Variants in CDK19 observed in about 807,000 individuals in gnomAD.
CDK19 encodes the protein cyclin-dependent kinase 19.
CDK19 carries 20 observed loss-of-function variants against 68.3 expected under a neutral mutation model. That is an observed-to-expected ratio of 0.29 (90% CI 0.21 to 0.43). The LOEUF (loss-of-function observed/expected upper bound fraction) is 0.43, where lower values mean the gene tolerates loss of function less well. Ranked by LOEUF, CDK19 falls within the 20% of genes least tolerant of loss-of-function variation. CDK19 has a pLI of 1.00. For missense variants in CDK19, 339 were observed against 623.5 expected (o/e 0.54, Z 4.86); for synonymous variants, 221 against 222.8 (o/e 0.99, Z 0.07).
At chr6:110,641,131 A>G (rs571297375) in intron 4 of CDK19, among the ~76,000 whole-genome samples, 1 of 152,316 alleles carries the variant, frequency 6.6e-6, no homozygotes, top group East Asian at 1.9e-4. Flanking sequence ...TTGGTTCACC[A>G]TATGAGATGA....
intron 2 of CDK19, among the ~76,000 whole-genome samples, chr6:110,694,517 C>T (rs1330062145): frequency 1.3e-5 from 2 of 152,216 alleles, no homozygotes; most frequent in Middle Eastern, 3.4e-3. Flanking sequence ...TATAAAATTA[C>T]TACTAGACCT....
At chr6:110,752,218 T>C (rs538055439) in intron 1 of CDK19, among the ~76,000 whole-genome samples, 6 of 151,828 alleles carry the variant, frequency 4.0e-5, no homozygotes, top group African/African-American at 1.4e-4. Flanking sequence ...GATGAAATTT[T>C]TCAAAAATAA....
intron 4 of CDK19, chr6:110,646,093 A>C: frequency 1.1e-6 from 1 of 872,204 alleles, no homozygotes; most frequent in Non-Finnish European, 1.8e-6. Flanking sequence ...TTTGTGGCTA[A>C]GCAAGGCACC....
At chr6:110,729,507 C>T (rs1417944213) in intron 2 of CDK19, among the ~76,000 whole-genome samples, 2 of 152,110 alleles carry the variant, frequency 1.3e-5, no homozygotes, top group Non-Finnish European at 2.9e-5. Context: ...CAGTTCAGTG[C>T]AACCTCTGCC....
At chr6:110,789,435 C>T (rs144691078) in intron 1 of CDK19, among the ~76,000 whole-genome samples, 30 of 152,238 alleles carry the variant, frequency 2.0e-4, no homozygotes, top group Middle Eastern at 6.8e-3. Flanking sequence ...TGCACCACCA[C>T]GCCCAGCTAA....
At chr6:110,719,612 T>C (rs1186809644) in intron 2 of CDK19, among the ~76,000 whole-genome samples, 1 of 152,154 alleles carries the variant, frequency 6.6e-6, no homozygotes, top group Non-Finnish European at 1.5e-5. Flanking sequence ...ATGCTTAGAC[T>C]AGAAAAGATA....
At chr6:110,715,992 C>T (rs996131476) in intron 2 of CDK19, among the ~76,000 whole-genome samples, 9 of 152,084 alleles carry the variant, frequency 5.9e-5, no homozygotes, top group East Asian at 1.9e-4. Flanking sequence ...TAACAAAGCA[C>T]GCATTTTCTG....
intron 1 of CDK19, among the ~76,000 whole-genome samples, chr6:110,805,973 CA>C (rs34834440): frequency 0.026 from 2,485 of 95,330 alleles, 36 homozygotes; most frequent in African/African-American, 0.07. Flanking sequence ...TAACACTTCT[CA>C]AAAAAAAAAA....
At chr6:110,665,652 A>G (rs1270072888) in intron 4 of CDK19, among the ~76,000 whole-genome samples, 2 of 152,266 alleles carry the variant, frequency 1.3e-5, no homozygotes, top group Admixed American at 6.5e-5. Context: ...TATAACCTGC[A>G]TAAGTTTCAT....
chr6:110,689,572 C>A (rs375833815), intron 2 of CDK19, among the ~76,000 whole-genome samples: 25 of 152,346 alleles, frequency 1.6e-4, no homozygotes, highest in African/African-American at 4.8e-4. Flanking sequence ...ATCACCACTG[C>A]CTGTACCACT....
At position 110,815,241 on chromosome 6, in the gene CDK19, T is replaced by TCGCGCG. The variant is rs769553849; in HGVS notation, c.-111_-106dup. On this transcript the variant is annotated 5_prime_UTR_variant, in exon 1 of 13. Transcript: ENST00000368911. ...GCTCCACTTCTCCAACAGCCGCCTC[T>TCGCGCG]CGCGCGCGCGCGCGCGCCGCCCGCC... 184 of 1,130,386 alleles carry TCGCGCG rather than the reference T, an allele frequency of 1.6e-4. No individual in the cohort carries two copies. In the South Asian group the frequency reaches 2.0e-3, roughly 13 times the overall value. 70.0% of individuals were successfully genotyped at this position (1,130,386 alleles called of 1,614,324 possible). A position where few individuals can be genotyped will look rare whatever the true frequency, so the allele number is the denominator to read the frequency against.
Position 110,670,481 on chromosome 6 carries a change from T to G in CDK19, c.265A>C (p.Ser89Arg). Residue 89 changes from serine to arginine, a missense_variant, in exon 3 of 13, where the codon AGT becomes CGT. This residue lies in a region of CDK19 where 120 missense variants were observed against 224.0 expected (regional missense o/e 0.54). Coordinates refer to ENST00000368911, the MANE Select transcript of CDK19 (RefSeq NM_015076.5). Reference sequence around the variant, plus strand: ...AACAGCAGCCATACCTTCCTGTCACTGTGAGAAAGGAACACCTTCTGCAAT... The same window carrying G: ...AACAGCAGCCATACCTTCCTGTCACGGTGAGAAAGGAACACCTTCTGCAAT... ...IALQKVFLSH[S>R]DRKVWLLFDY... The G allele has an allele frequency of 6.2e-7, 1 of 1,612,946 alleles. No individual in the cohort carries two copies.
In CDK19 at chr6:110,759,418, A is replaced by ATAT. The variant is rs1554219475; in HGVS notation, c.129-13218_129-13217insATA. The stretch of plus-strand genomic sequence containing the variant: ...AGACTCCGTCTTAAAAAAAAAAAAA[A>ATAT]AAAAAAAAAAATATATATATATATA... On this transcript the variant is annotated intron_variant, in intron 1 of 12. Coordinates refer to ENST00000368911, the MANE Select transcript of CDK19 (RefSeq NM_015076.5). Among the ~76,000 whole-genome samples the ATAT allele has an allele frequency of 4.2e-3, 476 of 114,376 alleles. 2 individuals carry two copies. The highest frequency in any genetic ancestry group is 0.019 in the African/African-American group (463 of 24,798). 75.0% of individuals were successfully genotyped at this position (114,376 alleles called of 152,430 possible). A position where few individuals can be genotyped will look rare whatever the true frequency, so the allele number is the denominator to read the frequency against.
chr6:110,772,242 C>A (rs942042054), intron 1 of CDK19, among the ~76,000 whole-genome samples: 1 of 151,954 alleles, frequency 6.6e-6, no homozygotes, highest in Admixed American at 6.6e-5. Context: ...AGTATTACAG[C>A]GGGAGGCAAA....
chr6:110,779,982 G>C (rs150808524), intron 1 of CDK19, among the ~76,000 whole-genome samples: 83 of 152,164 alleles, frequency 5.5e-4, no homozygotes, highest in African/African-American at 1.9e-3. Context: ...CACTTCAGGA[G>C]GCCGAGGCAG....
intron 1 of CDK19, 118 bp downstream of exon 1, chr6:110,814,891 G>C (rs1248043133): frequency 7.3e-7 from 1 of 1,379,150 alleles, no homozygotes; most frequent in South Asian, 1.2e-5. Flanking sequence ...GCAACCCCGC[G>C]ACCCCCTCCG....
intron 4 of CDK19, chr6:110,646,543 G>GCTTAAGTCGTGCTGAGTA: frequency 8.2e-7 from 1 of 1,216,438 alleles, no homozygotes; most frequent in Non-Finnish European, 1.1e-6. Flanking sequence ...TGCAACAGGT[G>GCTTAAGTCGTGCTGAGTA]CTTAAGTCGT....
intron 6 of CDK19, among the ~76,000 whole-genome samples, chr6:110,631,522 C>A (rs957416305): frequency 1.3e-5 from 2 of 152,202 alleles, no homozygotes; most frequent in East Asian, 3.8e-4. Flanking sequence ...AGCTAATCTA[C>A]CCAGACTCTA....
At chr6:110,752,688 T>C (rs925333757) in intron 1 of CDK19, among the ~76,000 whole-genome samples, 2 of 152,230 alleles carry the variant, frequency 1.3e-5, no homozygotes, top group African/African-American at 4.8e-5. Flanking sequence ...ACAGTTTGAT[T>C]ATGTCTTTGC....
Sources: gnomAD v4.1 joint callset for allele counts (sites outside exome capture counted in the v4.1 genomes callset) on GRCh38, gnomAD v4.1.1 for gene constraint, gnomAD v4.1.1 regional missense constraint, MANE v1.5 for transcripts, NCBI Gene and HGNC (gene_info 2026-07-23, HGNC 2026-07-21) for gene names.